The following LRRC7 variants were observed in gnomAD, a reference collection of about 807,000 sequenced individuals.
LRRC7 encodes leucine rich repeat containing 7.
A neutral mutation model predicts 175.7 loss-of-function variants in LRRC7; 23 were observed. The ratio of observed to expected loss-of-function variants is 0.13; its 90% CI spans 0.09 to 0.19. The LOEUF (loss-of-function observed/expected upper bound fraction) is 0.19, where lower values mean the gene tolerates loss of function less well. LRRC7 is among the 10% of genes least tolerant of loss of function. LRRC7 has a pLI of 1.00. For missense variants in LRRC7, 1,354 were observed against 1,904.7 expected (o/e 0.71, Z 5.38); for synonymous variants, 685 against 680.9 (o/e 1.01, Z -0.09).
intron 1 of LRRC7, among the ~76,000 whole-genome samples, chr1:69,644,287 T>C (rs1294583972): frequency 6.6e-6 from 1 of 152,100 alleles, no homozygotes; most frequent in Non-Finnish European, 1.5e-5. Context: ...TATTTTTGTA[T>C]TTCTCTCTTT....
At chr1:70,075,381 A>G (rs534989907) in intron 23 of LRRC7, among the ~76,000 whole-genome samples, 21 of 152,322 alleles carry the variant, frequency 1.4e-4, no homozygotes, top group African/African-American at 4.8e-4. Flanking sequence ...GACCGCAGCA[A>G]GCATACCCTC....
rs1248516475 is a variant in LRRC7 at position 70,141,875 on chromosome 1, A to G, written c.*19988A>G. ...CTTTGCACATTTGTTTTGCACAGCT[A>G]AAATAATGAGGTTAAATAATGCCCA... On this transcript the variant is annotated 3_prime_UTR_variant, in exon 27 of 27. Coordinates refer to ENST00000651989, the MANE Select transcript of LRRC7 (RefSeq NM_001370785.2). 1.3e-5 allele frequency: 2 copies of G among 152,122 alleles called. No individual in the cohort carries two copies. The highest frequency in any genetic ancestry group is 4.8e-5 in the African/African-American group (2 of 41,438). 9.4% of individuals were successfully genotyped at this position (152,122 alleles called of 1,614,324 possible). A position where few individuals can be genotyped will look rare whatever the true frequency, so the allele number is the denominator to read the frequency against.
intron 7 of LRRC7, among the ~76,000 whole-genome samples, chr1:69,862,192 T>C (rs1488135087): frequency 1.3e-5 from 2 of 152,084 alleles, no homozygotes; most frequent in Non-Finnish European, 2.9e-5. Flanking sequence ...AAACCATCTA[T>C]GGCGCAAGAT....
At chr1:69,809,770 T>C (rs565631157) in intron 4 of LRRC7, among the ~76,000 whole-genome samples, 19 of 152,316 alleles carry the variant, frequency 1.2e-4, no homozygotes, top group African/African-American at 4.1e-4. Context: ...TGATGGAATG[T>C]ATCTCAATGT....
At chr1:70,120,797 A>C (rs538503755) in intron 26 of LRRC7, among the ~76,000 whole-genome samples, 2 of 152,032 alleles carry the variant, frequency 1.3e-5, no homozygotes, top group Admixed American at 6.5e-5. Context: ...TGAGTCTCAA[A>C]CCGCAAAGAA....
chr1:69,574,111 G>A (rs867937602), intron 1 of LRRC7, among the ~76,000 whole-genome samples: 4 of 152,052 alleles, frequency 2.6e-5, no homozygotes, highest in African/African-American at 9.7e-5. Flanking sequence ...TGTGTGTGTG[G>A]CGGGGTGGGT....
intron 8 of LRRC7, among the ~76,000 whole-genome samples, chr1:69,948,059 G>A (rs965777325): frequency 6.6e-6 from 1 of 152,090 alleles, no homozygotes; most frequent in Non-Finnish European, 1.5e-5. Context: ...TACGTTGGAC[G>A]AAGGGGTGAC....
chr1:70,036,156 T>G lies in LRRC7; in HGVS notation c.2031T>G (p.Ile677Met). ...SFVHPANEMRIGELHPSLAET... is the reference protein window; with the variant it reads ...SFVHPANEMRMGELHPSLAET... The stretch of plus-strand genomic sequence containing the variant: ...TTCATCCAGCTAATGAAATGAGGAT[T>G]GGGGAACTTCACCCTTCATTAGCTG... Residue 677 changes from isoleucine (I) to methionine (M), a missense_variant, in exon 19 of 27, where the codon ATT (isoleucine) becomes ATG (methionine). Coordinates refer to ENST00000651989, the MANE Select transcript of LRRC7 (RefSeq NM_001370785.2). 6.2e-7 allele frequency: 1 copy of G among 1,613,378 alleles called. No individual in the cohort carries two copies. The highest frequency in any genetic ancestry group is 8.5e-7 in the Non-Finnish European group (1 of 1,179,554).
chr1:69,986,126 C>T, intron 9 of LRRC7, 116 bp from the exon 10 acceptor site: 6 of 934,704 alleles, frequency 6.4e-6, no homozygotes, highest in Non-Finnish European at 9.4e-6. Flanking sequence ...CTTGCCAACA[C>T]TTGTTATTGT....
At chr1:69,903,837 A>G (rs1646213439) in intron 7 of LRRC7, among the ~76,000 whole-genome samples, 1 of 152,202 alleles carries the variant, frequency 6.6e-6, no homozygotes, top group Non-Finnish European at 1.5e-5. Context: ...CACTGATCCC[A>G]CAGAAATACA....
At chr1:69,932,647 A>C (rs183931624) in intron 8 of LRRC7, among the ~76,000 whole-genome samples, 1 of 152,320 alleles carries the variant, frequency 6.6e-6, no homozygotes, top group Admixed American at 6.5e-5. Flanking sequence ...TCTGTGATTA[A>C]GTTTAATATG....
At chr1:69,864,456 A>G (rs958354501) in intron 7 of LRRC7, among the ~76,000 whole-genome samples, 1 of 152,234 alleles carries the variant, frequency 6.6e-6, no homozygotes, top group East Asian at 1.9e-4. Flanking sequence ...TGTGTGAAAA[A>G]GCATATTGGC....
intron 4 of LRRC7, among the ~76,000 whole-genome samples, chr1:69,800,670 A>T (rs1431983566): frequency 6.6e-6 from 1 of 151,974 alleles, no homozygotes; most frequent in Non-Finnish European, 1.5e-5. Context: ...GTATAAGATC[A>T]CATCAATAGT....
intron 7 of LRRC7, among the ~76,000 whole-genome samples, chr1:69,845,873 T>A (rs1682301550): frequency 6.6e-6 from 1 of 152,164 alleles, no homozygotes; most frequent in African/African-American, 2.4e-5. Flanking sequence ...TGTAATCATA[T>A]TACCTTACGC....
At chr1:69,650,727 T>TA (rs5774989) in intron 1 of LRRC7, among the ~76,000 whole-genome samples, 2 of 151,378 alleles carry the variant, frequency 1.3e-5, no homozygotes, top group African/African-American at 4.9e-5. Context: ...CTAAACAAAA[T>TA]ATGTTGTGCA....
intron 2 of LRRC7, among the ~76,000 whole-genome samples, chr1:69,700,379 A>G (rs920072738): frequency 2.1e-4 from 32 of 152,218 alleles, no homozygotes; most frequent in African/African-American, 7.7e-4. Context: ...ACTATGTGCT[A>G]TTAGTATTCC....
intron 8 of LRRC7, among the ~76,000 whole-genome samples, chr1:69,950,245 A>G (rs1362708917): frequency 6.6e-6 from 1 of 152,140 alleles, no homozygotes; most frequent in Non-Finnish European, 1.5e-5. Context: ...GGATGGATGG[A>G]TAGATGATAA....
rs1296195669 is a variant in LRRC7 at position 69,994,763 on chromosome 1, A to T, written c.1004+130A>T. Reference sequence around the variant, plus strand: ...CCTGTTCATCTGTCAGCTTATTTTAAACCATATTTTATTTATATATATTTG... The same window carrying T: ...CCTGTTCATCTGTCAGCTTATTTTATACCATATTTTATTTATATATATTTG... On this transcript the variant is annotated intron_variant, in intron 11 of 26. Transcript: ENST00000651989. 7 of 549,000 alleles carry T rather than the reference A, an allele frequency of 1.3e-5. No individual in the cohort carries two copies. The Admixed American group carries it at 2.0e-4, about 16-fold the overall frequency. The allele number at this position is 549,000 out of a possible 1,614,324, so 34.0% of individuals were successfully genotyped here.
chr1:70,043,835 A>T, intron 21 of LRRC7, 119 bp from the exon 22 acceptor site: 2 of 1,208,824 alleles, frequency 1.7e-6, no homozygotes, highest in Non-Finnish European at 2.3e-6. Context: ...ATGTTTTTTT[A>T]AAAAGTTACT....
Sources: gnomAD v4.1 joint callset for allele counts (sites outside exome capture counted in the v4.1 genomes callset) on GRCh38, gnomAD v4.1.1 for gene constraint, MANE v1.5 for transcripts, NCBI Gene and HGNC (gene_info 2026-07-23, HGNC 2026-07-21) for gene names.